Variants in CCDC91 observed in about 807,000 individuals in gnomAD.
CCDC91 encodes coiled-coil domain containing 91.
Under a neutral mutation model 63.2 loss-of-function variants are expected in CCDC91, and 48 were observed. That is an observed-to-expected ratio of 0.76 (90% CI 0.60 to 0.97). The LOEUF (loss-of-function observed/expected upper bound fraction) is 0.97. Among genes scored for constraint, CCDC91 ranks in the 50% least tolerant of loss-of-function variants. CCDC91 has a pLI of 0.00. For synonymous variants in CCDC91, 167 were observed against 165.8 expected, an observed-to-expected ratio of 1.01 and a Z score of -0.06; for missense variants, 500 against 494.6, an observed-to-expected ratio of 1.01 and a Z score of -0.10.
intron 12 of CCDC91, among the ~76,000 whole-genome samples, chr12:28,493,616 A>C (rs918283028): frequency 6.6e-6 from 1 of 151,778 alleles, no homozygotes; most frequent in African/African-American, 2.4e-5. Flanking sequence ...CTTAATAAAC[A>C]TACACTACCT....
chr12:28,310,278 G>T (rs934996314), intron 6 of CCDC91, among the ~76,000 whole-genome samples: 2 of 152,018 alleles, frequency 1.3e-5, no homozygotes, highest in African/African-American at 4.8e-5. Context: ...ATCTATAAAT[G>T]GGAACAGTAA....
intron 12 of CCDC91, among the ~76,000 whole-genome samples, chr12:28,515,823 G>A (rs1939877469): frequency 6.6e-6 from 1 of 151,804 alleles, no homozygotes; most frequent in East Asian, 1.9e-4. Context: ...AAGCACACCT[G>A]TGTAACAAGG....
At chr12:28,416,365 T>A (rs2139819835) in intron 8 of CCDC91, among the ~76,000 whole-genome samples, 2 of 152,192 alleles carry the variant, frequency 1.3e-5, no homozygotes, top group East Asian at 3.9e-4. Flanking sequence ...AGATATTGTA[T>A]GGTGTGTACT....
intron 3 of CCDC91, among the ~76,000 whole-genome samples, chr12:28,281,648 C>CAAATA (rs1948615155): frequency 6.6e-6 from 1 of 152,098 alleles, no homozygotes; most frequent in Admixed American, 6.6e-5. Flanking sequence ...TTCTCTGAAT[C>CAAATA]TATTTAAGTA....
At chr12:28,282,061 G>C (rs1201921501) in intron 3 of CCDC91, among the ~76,000 whole-genome samples, 1 of 151,974 alleles carries the variant, frequency 6.6e-6, no homozygotes. Flanking sequence ...ATATATCTCA[G>C]GTAAAAGACA....
intron 6 of CCDC91, among the ~76,000 whole-genome samples, chr12:28,341,619 A>T (rs1459691674): frequency 6.6e-6 from 1 of 152,190 alleles, no homozygotes; most frequent in Non-Finnish European, 1.5e-5. Context: ...GGATGCCATT[A>T]TTCTGCCTAT....
chr12:28,460,948 T>C (rs1303892903), intron 11 of CCDC91, among the ~76,000 whole-genome samples: 1 of 151,946 alleles, frequency 6.6e-6, no homozygotes, highest in East Asian at 1.9e-4. Context: ...GATTTTGTAA[T>C]GCAAATCTCA....
At chr12:28,410,838 A>G (rs1444917355) in intron 8 of CCDC91, among the ~76,000 whole-genome samples, 4 of 152,048 alleles carry the variant, frequency 2.6e-5, no homozygotes, top group Non-Finnish European at 5.9e-5. Flanking sequence ...GTGTTTTTAA[A>G]ACCCTTTAAA....
intron 3 of CCDC91, among the ~76,000 whole-genome samples, chr12:28,285,388 A>C (rs1483504194): frequency 1.3e-5 from 2 of 152,140 alleles, no homozygotes; most frequent in Admixed American, 6.5e-5. Flanking sequence ...TGAAACTTAA[A>C]TATGAAGCCT....
chr12:28,417,959 T>G (rs1308729699), intron 8 of CCDC91, among the ~76,000 whole-genome samples: 2 of 152,126 alleles, frequency 1.3e-5, no homozygotes, highest in African/African-American at 4.8e-5. Flanking sequence ...TTTTATCCAT[T>G]TAGCAATTGA....
rs115977693 is a variant in CCDC91 at position 28,302,392 on chromosome 12, G to A, written c.110-3257G>A. Among the ~76,000 whole-genome samples the A allele has an allele frequency of 2.0e-3, 306 of 151,954 alleles. 2 individuals carry two copies. Among genetic ancestry groups the A allele is most frequent in the African/African-American group, 6.9e-3 (288 of 41,480 alleles). On this transcript the variant is annotated intron_variant, in intron 3 of 12. Coordinates refer to ENST00000536442, the MANE Select transcript of CCDC91 (RefSeq NM_018318.5). ...ATGTATCTGTCACTGAGCTCTAGGT[G>A]GTTGGTATGCATTATCTCATTTAAG... is the stretch of plus-strand genomic sequence containing the variant.
chr12:28,207,721 A>G (rs1321401158), intron 1 of CCDC91, among the ~76,000 whole-genome samples: 1 of 152,202 alleles, frequency 6.6e-6, no homozygotes, highest in Non-Finnish European at 1.5e-5. Context: ...CCACATCAAT[A>G]TATTTAATTT....
chr12:28,507,684 C>T (rs1459421960), intron 12 of CCDC91, among the ~76,000 whole-genome samples: 1 of 151,918 alleles, frequency 6.6e-6, no homozygotes, highest in African/African-American at 2.4e-5. Flanking sequence ...ATGTCTTTTA[C>T]TGTGCTGTAT....
chr12:28,446,232 T>C (rs1949493763), intron 8 of CCDC91, among the ~76,000 whole-genome samples: 1 of 152,226 alleles, frequency 6.6e-6, no homozygotes, highest in African/African-American at 2.4e-5. Flanking sequence ...AAAATGTTCA[T>C]AGAACTAACA....
chr12:28,494,647 G>T (rs1165927718), intron 12 of CCDC91, among the ~76,000 whole-genome samples: 1 of 151,656 alleles, frequency 6.6e-6, no homozygotes, highest in Non-Finnish European at 1.5e-5. Context: ...AATGATCTTT[G>T]TGAAATATAT....
intron 12 of CCDC91, among the ~76,000 whole-genome samples, chr12:28,536,123 A>G (rs1168115461): frequency 6.6e-6 from 1 of 152,188 alleles, no homozygotes; most frequent in Non-Finnish European, 1.5e-5. Flanking sequence ...GACCAGTTCT[A>G]TAGGAAATGT....
intron 3 of CCDC91, among the ~76,000 whole-genome samples, chr12:28,297,623 C>T (rs1449461080): frequency 2.0e-5 from 3 of 151,738 alleles, no homozygotes; most frequent in Non-Finnish European, 4.4e-5. Context: ...CCAAAAGAAA[C>T]AAAATTTTAT....
intron 7 of CCDC91, among the ~76,000 whole-genome samples, chr12:28,386,870 G>T (rs1382015217): frequency 1.3e-5 from 2 of 152,210 alleles, no homozygotes; most frequent in Non-Finnish European, 2.9e-5. Flanking sequence ...TATATACTGT[G>T]AGAGTCTTAA....
chr12:28,269,278 T>C (rs2136343626), intron 3 of CCDC91, among the ~76,000 whole-genome samples: 3 of 152,250 alleles, frequency 2.0e-5, no homozygotes, highest in Admixed American at 2.0e-4. Context: ...TACTTCCTCT[T>C]TGTGGCAGGC....
Sources: gnomAD v4.1 joint callset for allele counts (sites outside exome capture counted in the v4.1 genomes callset) on GRCh38, gnomAD v4.1.1 for gene constraint, MANE v1.5 for transcripts, NCBI Gene and HGNC (gene_info 2026-07-23, HGNC 2026-07-21) for gene names.